The following ADGRD1 variants were observed in gnomAD, a reference collection of about 807,000 sequenced individuals.
The protein encoded by ADGRD1 is G-protein coupled receptor 133.
A neutral mutation model predicts 113.4 loss-of-function variants in ADGRD1; 77 were observed. That is an observed-to-expected ratio of 0.68 (90% confidence interval 0.57 to 0.82). ADGRD1 has a LOEUF of 0.82. Ranked by LOEUF, ADGRD1 falls within the 40% of genes least tolerant of loss-of-function variation. The pLI is 0.00. For missense variants in ADGRD1, 1,036 were observed against 1,139.1 expected (o/e 0.91, Z 1.30); for synonymous variants, 474 against 475.0 (o/e 1.00, Z 0.03).
chr12:131,061,108 A>G (rs1884289062), intron 13 of ADGRD1, among the ~76,000 whole-genome samples: 1 of 152,182 alleles, frequency 6.6e-6, no homozygotes, highest in South Asian at 2.1e-4. Context: ...GGTCAGCGGT[A>G]TAAGTATAAT....
At chr12:130,960,220 C>A (rs893525998) in intron 2 of ADGRD1, among the ~76,000 whole-genome samples, 1 of 152,214 alleles carries the variant, frequency 6.6e-6, no homozygotes, top group African/African-American at 2.4e-5. Context: ...CATTACCCAG[C>A]AGTTTCCTGG....
intron 4 of ADGRD1, chr12:130,973,239 CTG>C (rs147200544): frequency 2.2e-4 from 34 of 152,366 alleles, no homozygotes; most frequent in African/African-American, 7.9e-4. Context: ...AGCATGAGCT[CTG>C]GGGCCAGAAG....
At chr12:131,135,488 C>T (rs1593277485) in intron 21 of ADGRD1, among the ~76,000 whole-genome samples, 1 of 152,114 alleles carries the variant, frequency 6.6e-6, no homozygotes, top group Non-Finnish European at 1.5e-5. Flanking sequence ...TTGGCCCTGC[C>T]CTCTGAGAAC....
At position 131,138,143 on chromosome 12, in the gene ADGRD1, G is replaced by A; in HGVS notation, c.2443G>A (p.Ala815Thr). Residue 815 changes from alanine to threonine, a missense_variant, in exon 24 of 25, where the codon GCC (alanine) becomes ACC (threonine). Coordinates refer to ENST00000261654, the MANE Select transcript of ADGRD1 (RefSeq NM_198827.5). ...FHCLLNSEVR[A>T]AFKHKTKVWS... The stretch of plus-strand genomic sequence containing the variant: ...TCCCTTCCCCGCTTTCAAGGTGAGA[G>A]CCGCCTTCAAGCACAAAACCAAGGT... The A allele has an allele frequency of 6.2e-7, 1 of 1,613,412 alleles. No individual in the cohort carries two copies. The highest frequency in any genetic ancestry group is 1.3e-5 in the African/African-American group (1 of 75,018).
At chr12:131,108,914 A>T in intron 18 of ADGRD1, 37 bp downstream of exon 18, 5 of 634,948 alleles carry the variant, frequency 7.9e-6, no homozygotes, top group Non-Finnish European at 1.2e-5. Flanking sequence ...GCGGGGCGGG[A>T]GGGACAGGAA....
At chr12:131,090,283 A>G (rs1289410600) in intron 15 of ADGRD1, among the ~76,000 whole-genome samples, 2 of 152,232 alleles carry the variant, frequency 1.3e-5, no homozygotes, top group Non-Finnish European at 1.5e-5. Flanking sequence ...AGTAGAAACC[A>G]AATTTGCAGC....
At chr12:131,020,620 C>T (rs545301900) in intron 13 of ADGRD1, among the ~76,000 whole-genome samples, 37 of 152,348 alleles carry the variant, frequency 2.4e-4, no homozygotes, top group African/African-American at 1.7e-4. Flanking sequence ...GGCAGTTGCC[C>T]GAGCTGTGGA....
At chr12:131,032,338 C>T (rs28739280) in intron 13 of ADGRD1, among the ~76,000 whole-genome samples, 16,569 of 151,918 alleles carry the variant, frequency 0.11, 1,241 homozygotes, top group Non-Finnish European at 0.16. Context: ...AGATCCTCCA[C>T]GAGCACGAAT....
chr12:131,129,381 T>C lies in ADGRD1; in HGVS notation c.2176-2344T>C, dbSNP rs796543859. On this transcript the variant is annotated intron_variant, in intron 20 of 24. Transcript: ENST00000261654. ...TGACAGGCTGGCCCTCCTGTCTGGG[T>C]GTGAGTGACAGGCCCGCCCTGCTGT... Among the ~76,000 whole-genome samples, 58 of 131,012 alleles carry C rather than the reference T, an allele frequency of 4.4e-4. 3 individuals carry two copies. The South Asian group carries it at 0.014, about 31-fold the overall frequency. 85.9% of individuals were successfully genotyped at this position (131,012 alleles called of 152,430 possible). A position where few individuals can be genotyped will look rare whatever the true frequency, so the allele number is the denominator to read the frequency against.
chr12:131,118,416 G>A lies in ADGRD1; in HGVS notation c.2073G>A (p.Leu691=). The change falls in exon 19 of 25, where the codon CTG becomes CTA. Residue 691 remains leucine, a synonymous_variant. Coordinates refer to ENST00000261654, the MANE Select transcript of ADGRD1 (RefSeq NM_198827.5). ...CTCTTCTGATCTGCATCATTTCACT[G>A]TCATTTGCCATGGACAGTTACGGAA... The part of the protein sequence containing the change: ...GFPLLICIIS[L]SFAMDSYGTS... 6.2e-7 allele frequency: 1 copy of A among 1,612,394 alleles called. No individual in the cohort carries two copies.
chr12:131,118,281 A>T, intron 18 of ADGRD1, 104 bp from the exon 19 acceptor site: 1 of 753,584 alleles, frequency 1.3e-6, no homozygotes, highest in Non-Finnish European at 2.3e-6. Context: ...GTATACATGT[A>T]TGAGGTGTAC....
intron 8 of ADGRD1, among the ~76,000 whole-genome samples, chr12:131,000,158 T>C (rs1303891831): frequency 6.6e-6 from 1 of 152,200 alleles, no homozygotes; most frequent in African/African-American, 2.4e-5. Context: ...CCGGTGCTGG[T>C]CACTGACTCG....
At chr12:131,134,344 G>A (rs1951017138) in intron 21 of ADGRD1, among the ~76,000 whole-genome samples, 1 of 152,214 alleles carries the variant, frequency 6.6e-6, no homozygotes, top group Admixed American at 6.5e-5. Context: ...TTTGACCAGG[G>A]ACACTGACAG....
chr12:131,016,951 G>C (rs143217183), intron 13 of ADGRD1, among the ~76,000 whole-genome samples: 1 of 152,006 alleles, frequency 6.6e-6, no homozygotes, highest in East Asian at 1.9e-4. Flanking sequence ...TGGAACCTCT[G>C]TGTGCTCTGA....
At chr12:130,977,047 A>G (rs1872403139) in intron 4 of ADGRD1, 1 of 152,176 alleles carries the variant, frequency 6.6e-6, no homozygotes, top group African/African-American at 2.4e-5. Context: ...ACCTTTATAT[A>G]TGGGAAAATT....
intron 13 of ADGRD1, chr12:131,070,753 C>A (rs113212947): frequency 2.0e-6 from 1 of 508,722 alleles, no homozygotes; most frequent in African/African-American, 1.9e-5. Context: ...CGGAACCTTC[C>A]TGGCCCCACC....
chr12:131,118,576 A>C (rs1950520213), intron 19 of ADGRD1, 125 bp downstream of exon 19: 3 of 651,200 alleles, frequency 4.6e-6, no homozygotes, highest in Non-Finnish European at 8.0e-6. Flanking sequence ...GCTGGCTCCC[A>C]CAGGCCCAGC....
chr12:130,957,105 T>A (rs1006971699), intron 2 of ADGRD1: 1 of 152,300 alleles, frequency 6.6e-6, no homozygotes, highest in Non-Finnish European at 1.5e-5. Flanking sequence ...TAGACACACA[T>A]GCACATATAT....
intron 8 of ADGRD1, chr12:130,994,337 C>T (rs929194061): frequency 1.5e-4 from 60 of 408,320 alleles, no homozygotes; most frequent in Non-Finnish European, 2.7e-4. Context: ...CTGTGGCAGG[C>T]GGTGCCTTCT....
Sources: allele counts gnomAD v4.1 joint callset (sites outside exome capture counted in the v4.1 genomes callset), GRCh38; gene constraint gnomAD v4.1.1; transcripts MANE v1.5; gene names NCBI Gene and HGNC (gene_info 2026-07-23, HGNC 2026-07-21).